The following CASZ1 variants were observed in gnomAD, a reference collection of about 807,000 sequenced individuals.
The protein encoded by CASZ1 is castor zinc finger 1.
CASZ1 carries 28 observed loss-of-function variants against 135.2 expected under a neutral mutation model. The ratio of observed to expected loss-of-function variants is 0.21; its 90% confidence interval spans 0.15 to 0.28. CASZ1 has a LOEUF of 0.28. CASZ1 is among the 10% of genes least tolerant of loss of function. CASZ1 has a pLI of 1.00. For synonymous variants in CASZ1, 1,068 were observed against 1,073.4 expected (o/e 0.99, Z 0.10); for missense variants, 2,161 against 2,453.3 (o/e 0.88, Z 2.52).
At chr1:10,768,938 C>T (rs1169420501) in intron 1 of CASZ1, among the ~76,000 whole-genome samples, 1 of 152,084 alleles carries the variant, frequency 6.6e-6, no homozygotes, top group African/African-American at 2.4e-5. Flanking sequence ...GCCAGGAGTT[C>T]GAGACGAGCC....
At chr1:10,693,497 CAAAA>C (rs1172496673) in intron 4 of CASZ1, among the ~76,000 whole-genome samples, 3 of 23,286 alleles carry the variant, frequency 1.3e-4, no homozygotes, top group East Asian at 2.7e-3. Flanking sequence ...TTGCAGAGAA[CAAAA>C]AAAAAAAAAA....
chr1:10,637,851 G>A lies in CASZ1; in HGVS notation c.*1091C>T, dbSNP rs752778925. ...AAAAAAAAGCCCTATAAAGCCACAC[G>A]CATCACCAAGAGAGAACTCAAATGT... On this transcript the variant is annotated 3_prime_UTR_variant, in exon 21 of 21. Transcript: ENST00000377022. 1 of 149,896 alleles carries A rather than the reference G, an allele frequency of 6.7e-6. No individual in the cohort carries two copies. Among genetic ancestry groups the A allele is most frequent in the Non-Finnish European group, 1.5e-5 (1 of 67,686 alleles). The allele number at this position is 149,896 out of a possible 1,614,324, so 9.3% of individuals were successfully genotyped here.
rs143453212 is a variant in CASZ1, at chr1:10,643,450, G to A, written c.3869-139C>T. On this transcript the variant is annotated intron_variant, in intron 18 of 20. Coordinates refer to ENST00000377022, the MANE Select transcript of CASZ1 (RefSeq NM_001079843.3). ...GTATCTGGGGAAAGGGCGCTGAGCC[G>A]AGGTGGCAGTCTTAGGAGGAAGGTC... The A allele has an allele frequency of 7.0e-4, 652 of 927,292 alleles. 3 individuals are homozygous for A. In the African/African-American group the frequency reaches 9.5e-3, roughly 14 times the overall value. The allele number at this position is 927,292 out of a possible 1,614,324, so 57.4% of individuals were successfully genotyped here.
chr1:10,688,135 G>C (rs1638652500), intron 4 of CASZ1, among the ~76,000 whole-genome samples: 1 of 152,218 alleles, frequency 6.6e-6, no homozygotes, highest in Non-Finnish European at 1.5e-5. Context: ...TCACCATTAG[G>C]AGCAGCCGTG....
chr1:10,678,556 C>G (rs956697499), intron 4 of CASZ1, among the ~76,000 whole-genome samples: 1 of 152,200 alleles, frequency 6.6e-6, no homozygotes, highest in African/African-American at 2.4e-5. Flanking sequence ...CCAGCTCCCC[C>G]ACCCGTTCAC....
rs572952126 is a variant in CASZ1, at chr1:10,645,216, G to A, written c.3697-128C>T. 29 of 804,324 alleles carry A rather than the reference G, an allele frequency of 3.6e-5. No individual in the cohort carries two copies. The African/African-American group carries it at 4.8e-4, about 13-fold the overall frequency. 49.8% of individuals were successfully genotyped at this position (804,324 alleles called of 1,614,324 possible). The stretch of plus-strand genomic sequence containing the variant: ...CTCTGCTCAGAAGCTGATGATCATA[G>A]AAACACCTTTCACATGTTAAAAAGC... On this transcript the variant is annotated intron_variant, in intron 17 of 20. Coordinates refer to ENST00000377022, the MANE Select transcript of CASZ1 (RefSeq NM_001079843.3).
chr1:10,763,840 C>T (rs570648260), intron 1 of CASZ1, among the ~76,000 whole-genome samples: 1 of 152,300 alleles, frequency 6.6e-6, no homozygotes, highest in South Asian at 2.1e-4. Context: ...CCCCTCTTCT[C>T]CAACAGAACG....
chr1:10,778,955 G>C (rs1640710096), intron 1 of CASZ1, among the ~76,000 whole-genome samples: 1 of 152,162 alleles, frequency 6.6e-6, no homozygotes, highest in African/African-American at 2.4e-5. Flanking sequence ...CCAGAGGTGG[G>C]TATCACCAAT....
chr1:10,636,655 CA>C lies in CASZ1; in HGVS notation c.*2286del, dbSNP rs59054467. On this transcript the variant is annotated 3_prime_UTR_variant, in exon 21 of 21. Transcript: ENST00000377022. ...AATGTCAAACCTTGCATCAGTCATG[CA>C]AAAAAAAAAAAAAAAATCAAATAAA... 19,017 of 113,142 alleles carry C rather than the reference CA, an allele frequency of 0.17. 1,043 individuals carry two copies. The highest frequency in any genetic ancestry group is 0.17 in the Non-Finnish European group (9,284 of 53,168). 7.0% of individuals were successfully genotyped at this position (113,142 alleles called of 1,614,324 possible).
rs1640227478 is a variant in CASZ1 at position 10,755,187 on chromosome 1, C to T, written c.-77+5514G>A. Among the ~76,000 whole-genome samples, 1 of 152,188 alleles carries T rather than the reference C, an allele frequency of 6.6e-6. No homozygotes were observed. The highest frequency in any genetic ancestry group is 6.5e-5 in the Admixed American group (1 of 15,280). ...GGTGGGCAGCAAGGGGATCACTGGCCGCCTCATGCCTCAGGGTGGTGGCTC... is the reference window on the plus strand; with the variant it reads ...GGTGGGCAGCAAGGGGATCACTGGCTGCCTCATGCCTCAGGGTGGTGGCTC... On this transcript the variant is annotated intron_variant, in intron 2 of 20. Transcript: ENST00000377022. This position sits in a 1 kb window ranked among gnomAD's most constrained non-coding sequence, Gnocchi z 4.3.
chr1:10,682,182 C>T (rs545612296), intron 4 of CASZ1, among the ~76,000 whole-genome samples: 46 of 152,306 alleles, frequency 3.0e-4, no homozygotes, highest in Middle Eastern at 3.4e-3. Context: ...GGACAGCCAC[C>T]TGCTGTCCCA....
Position 10,665,367 on chromosome 1 carries a change from G to C in CASZ1, c.221C>G (p.Ala74Gly). The change falls in exon 5 of 21, where the codon GCC becomes GGC. Residue 74 changes from alanine to glycine, a missense_variant. By Grantham distance (60) the Ala-to-Gly change is moderately conservative. Around this residue, in one of 7 missense-constraint regions of CASZ1, gnomAD observed 590 missense variants for 609.8 expected, o/e 0.97. Coordinates refer to ENST00000377022, the MANE Select transcript of CASZ1 (RefSeq NM_001079843.3). The stretch of plus-strand genomic sequence containing the variant: ...GTCTTCCTCGCTGCGGGGGGCCCGG[G>C]CTGCCCCAGACTCAGGGCCACTGCG... Reference protein sequence around the residue: ...QERSGPESGAARAPRSEEDKR... With the variant: ...QERSGPESGAGRAPRSEEDKR... The C allele has an allele frequency of 6.2e-7, 1 of 1,611,596 alleles. No individual in the cohort carries two copies. The highest frequency in any genetic ancestry group is 8.5e-7 in the Non-Finnish European group (1 of 1,178,456).
At chr1:10,642,467 G>A in intron 20 of CASZ1, 1 of 237,092 alleles carries the variant, frequency 4.2e-6, no homozygotes, top group Non-Finnish European at 8.2e-6. Context: ...CAGAGAGAGG[G>A]ACACAAGAAG....
intron 2 of CASZ1, among the ~76,000 whole-genome samples, chr1:10,750,532 C>T (rs1055083615): frequency 4.6e-5 from 7 of 152,226 alleles, no homozygotes; most frequent in East Asian, 1.9e-4. Context: ...CCTTCCAAAA[C>T]GCTGGGATTA....
rs761487730 is a variant in CASZ1, at chr1:10,639,391, C to G, written c.4831G>C (p.Gly1611Arg). 1 of 1,544,844 alleles carries G rather than the reference C, an allele frequency of 6.5e-7. No individual in the cohort carries two copies. Reference protein sequence around the residue: ...GEPAAEGPAPGPPISLDGSLS... With the variant: ...GEPAAEGPAPRPPISLDGSLS... ...GAGCCGTCCAGACTGATGGGAGGCC[C>G]GGGCGCGGGGCCCTCTGCCGCGGGC... The change falls in exon 21 of 21, where the codon GGG becomes CGG. Residue 1611 changes from glycine (G) to arginine (R), a missense_variant. Physicochemically the swap from Gly to Arg is moderately radical, Grantham distance 125. Around this residue, in one of 7 missense-constraint regions of CASZ1, gnomAD observed 240 missense variants for 321.4 expected, o/e 0.75. Transcript: ENST00000377022. The surrounding 1 kb of genome is among the most constrained non-coding windows in gnomAD (Gnocchi z 4.0).
intron 1 of CASZ1, among the ~76,000 whole-genome samples, chr1:10,793,785 C>G (rs1277270301): frequency 6.6e-6 from 1 of 152,116 alleles, no homozygotes; most frequent in African/African-American, 2.4e-5. Context: ...TGGTGGCTAC[C>G]TCCTGGAAAG....
chr1:10,677,616 C>T (rs284309), intron 4 of CASZ1, among the ~76,000 whole-genome samples: 62,832 of 152,038 alleles, frequency 0.41, 13,906 homozygotes, highest in Middle Eastern at 0.47. Context: ...GGAAAGGGAC[C>T]GAGGTCCAAG....
At chr1:10,685,468 G>C (rs1638556225) in intron 4 of CASZ1, among the ~76,000 whole-genome samples, 1 of 152,206 alleles carries the variant, frequency 6.6e-6, no homozygotes, top group South Asian at 2.1e-4. Context: ...GCATTTCCCA[G>C]CCAAAGGGTT....
At chr1:10,769,590 C>G (rs2100590722) in intron 1 of CASZ1, among the ~76,000 whole-genome samples, 1 of 152,232 alleles carries the variant, frequency 6.6e-6, no homozygotes, top group African/African-American at 2.4e-5. Flanking sequence ...GATCTCGGCT[C>G]ACTGCAACCT....
Sources: allele counts gnomAD v4.1 joint callset (sites outside exome capture counted in the v4.1 genomes callset), GRCh38; gene constraint gnomAD v4.1.1; regional missense constraint gnomAD v4.1.1; non-coding constraint Gnocchi (gnomAD v3.1); transcripts MANE v1.5; gene names NCBI Gene and HGNC (gene_info 2026-07-23, HGNC 2026-07-21).